The following ERBB4 variants were observed in gnomAD, a reference collection of about 807,000 sequenced individuals.
ERBB4 encodes receptor tyrosine-protein kinase erbB-4.
In ERBB4, 42 loss-of-function variants were observed where a neutral mutation model predicts 158.0. The observed-to-expected ratio is 0.27, with a 90% confidence interval of 0.21 to 0.34. ERBB4 has a LOEUF of 0.34. Among genes scored for constraint, ERBB4 ranks in the 10% least tolerant of loss-of-function variants. ERBB4 has a pLI of 1.00. For missense variants in ERBB4, 1,333 were observed against 1,624.1 expected, an observed-to-expected ratio of 0.82 and a Z score of 3.08; for synonymous variants, 583 against 558.7, an observed-to-expected ratio of 1.04 and a Z score of -0.61.
chr2:211,637,546 C>G (rs1469863201), intron 16 of ERBB4, among the ~76,000 whole-genome samples: 2 of 151,932 alleles, frequency 1.3e-5, no homozygotes, highest in Non-Finnish European at 2.9e-5. Context: ...AGAAATCATT[C>G]CCTTTCATAG....
intron 20 of ERBB4, among the ~76,000 whole-genome samples, chr2:211,518,295 A>G (rs1255966550): frequency 2.6e-5 from 4 of 152,074 alleles, no homozygotes; most frequent in South Asian, 2.1e-4. Context: ...AGTGTTAGCT[A>G]TTATTATTCT....
chr2:211,403,075 T>C (rs1369623017), intron 25 of ERBB4, among the ~76,000 whole-genome samples: 2 of 152,022 alleles, frequency 1.3e-5, no homozygotes, highest in Non-Finnish European at 2.9e-5. Flanking sequence ...ATTTTTGTGT[T>C]CTCTTTCTCA....
At chr2:211,541,201 T>C (rs529661846) in intron 20 of ERBB4, among the ~76,000 whole-genome samples, 2 of 151,992 alleles carry the variant, frequency 1.3e-5, no homozygotes, top group African/African-American at 2.4e-5. Flanking sequence ...ATTTATGCTA[T>C]TTCCTCATAG....
At chr2:211,603,108 G>A (rs56109620) in intron 19 of ERBB4, among the ~76,000 whole-genome samples, 2 of 152,084 alleles carry the variant, frequency 1.3e-5, no homozygotes, top group South Asian at 2.1e-4. Context: ...GCACACACCT[G>A]TAGTCCCAGC....
intron 1 of ERBB4, among the ~76,000 whole-genome samples, chr2:212,133,300 AAAT>A (rs2125588704): frequency 6.6e-6 from 1 of 152,184 alleles, no homozygotes; most frequent in African/African-American, 2.4e-5. Context: ...GTATTTGCTC[AAAT>A]GTCACCTTTT....
Position 211,380,768 on chromosome 2 carries a change from C to G in ERBB4, c.*2847G>C, listed in dbSNP as rs2062561401. The G allele has an allele frequency of 4.3e-6, 1 of 231,746 alleles. No homozygotes were observed. Among genetic ancestry groups the G allele is most frequent in the Admixed American group, 5.6e-5 (1 of 17,726 alleles). 14.4% of individuals were successfully genotyped at this position (231,746 alleles called of 1,614,324 possible). ...TTTTGGATTATTCCTACATGCATCT[C>G]TAGGTATTACCCAACATGTAGAAGT... is the stretch of plus-strand genomic sequence containing the variant. On this transcript the variant is annotated 3_prime_UTR_variant, in exon 28 of 28. Coordinates refer to ENST00000342788, the MANE Select transcript of ERBB4 (RefSeq NM_005235.3).
At chr2:211,602,369 G>A (rs927195090) in intron 19 of ERBB4, among the ~76,000 whole-genome samples, 10 of 151,928 alleles carry the variant, frequency 6.6e-5, no homozygotes. Flanking sequence ...CTTTGCTTGG[G>A]CTCTACCAGC....
At chr2:212,369,042 G>C (rs1056757257) in intron 1 of ERBB4, among the ~76,000 whole-genome samples, 1 of 152,104 alleles carries the variant, frequency 6.6e-6, no homozygotes, top group African/African-American at 2.4e-5. Flanking sequence ...ACTGATCTAG[G>C]ACTCATTAAG....
At chr2:212,501,159 GC>G (rs1690868342) in intron 1 of ERBB4, among the ~76,000 whole-genome samples, 1 of 152,066 alleles carries the variant, frequency 6.6e-6, no homozygotes, top group South Asian at 2.1e-4. Context: ...AAGATACACA[GC>G]CACACATCTA....
At position 212,011,868 on chromosome 2, in the gene ERBB4, G is replaced by C. The variant is rs540045597; in HGVS notation, c.235-64252C>G. 3.5e-4 allele frequency among the ~76,000 whole-genome samples: 53 copies of C among 152,266 alleles called. No homozygotes were observed. In the South Asian group the frequency reaches 0.01, roughly 29 times the overall value. ...AGCAGTCATTTAAGGCCATTGCCTG[G>C]ACCTATTACTTCATTAGGGGTTGCA... On this transcript the variant is annotated intron_variant, in intron 2 of 27. Transcript: ENST00000342788.
intron 1 of ERBB4, among the ~76,000 whole-genome samples, chr2:212,507,766 T>C (rs1307367157): frequency 6.6e-6 from 1 of 152,230 alleles, no homozygotes; most frequent in African/African-American, 2.4e-5. Context: ...ATGGAAACCA[T>C]TCCTGGTGAA....
chr2:212,400,858 G>A (rs2091183355), intron 1 of ERBB4, among the ~76,000 whole-genome samples: 1 of 151,876 alleles, frequency 6.6e-6, no homozygotes. Flanking sequence ...CTTGGGTCTG[G>A]GGCAACAATT....
intron 20 of ERBB4, among the ~76,000 whole-genome samples, chr2:211,531,898 G>C (rs1474006339): frequency 6.6e-6 from 1 of 152,074 alleles, no homozygotes; most frequent in African/African-American, 2.4e-5. Context: ...TCAAGATTTG[G>C]AAGCAACCTA....
intron 12 of ERBB4, among the ~76,000 whole-genome samples, chr2:211,680,810 T>C (rs1373646365): frequency 6.6e-6 from 1 of 152,212 alleles, no homozygotes; most frequent in Non-Finnish European, 1.5e-5. Flanking sequence ...TCTTTCAGCA[T>C]AGTTTAAGAG....
At chr2:211,827,588 A>T (rs1294850236) in intron 3 of ERBB4, among the ~76,000 whole-genome samples, 1 of 151,884 alleles carries the variant, frequency 6.6e-6, no homozygotes, top group Non-Finnish European at 1.5e-5. Flanking sequence ...TTGCTGATAT[A>T]CAGTTCTTTT....
intron 2 of ERBB4, among the ~76,000 whole-genome samples, chr2:211,966,472 C>T (rs113614968): frequency 0.049 from 7,424 of 152,118 alleles, 301 homozygotes; most frequent in African/African-American, 0.11. Flanking sequence ...AAACTCCTGA[C>T]CTCATGATCC....
intron 1 of ERBB4, among the ~76,000 whole-genome samples, chr2:212,481,437 T>C (rs1336936892): frequency 1.3e-5 from 2 of 152,174 alleles, no homozygotes; most frequent in African/African-American, 4.8e-5. Flanking sequence ...TTTTTAATCC[T>C]AGCATAAAGA....
intron 19 of ERBB4, among the ~76,000 whole-genome samples, chr2:211,575,293 C>A (rs1336627195): frequency 6.6e-6 from 1 of 152,142 alleles, no homozygotes. Flanking sequence ...CAGGCATTAA[C>A]TAACCTTTTT....
intron 20 of ERBB4, among the ~76,000 whole-genome samples, chr2:211,538,773 T>G (rs1022755844): frequency 6.6e-6 from 1 of 151,846 alleles, no homozygotes; most frequent in African/African-American, 2.4e-5. Flanking sequence ...ATGGTATACA[T>G]AGATGTGACA....
Sources: allele counts gnomAD v4.1 joint callset (sites outside exome capture counted in the v4.1 genomes callset), GRCh38; gene constraint gnomAD v4.1.1; transcripts MANE v1.5; gene names NCBI Gene and HGNC (gene_info 2026-07-23, HGNC 2026-07-21).